DDX4: variants seen among roughly 807,000 people sequenced by gnomAD.
DDX4 encodes DEAD-box helicase 4, also known as probable ATP-dependent RNA helicase DDX4.
Under a neutral mutation model 100.0 loss-of-function variants are expected in DDX4, and 25 were observed. The ratio of observed to expected loss-of-function variants is 0.25; its 90% confidence interval spans 0.18 to 0.35. The LOEUF (loss-of-function observed/expected upper bound fraction) is 0.35. Ranked by LOEUF, DDX4 falls within the 10% of genes least tolerant of loss-of-function variation. The probability of loss-of-function intolerance (pLI) is 1.00; values close to 1 mark genes in which losing one functional copy is unlikely to be tolerated. For missense variants in DDX4, 635 were observed against 882.4 expected, an observed-to-expected ratio of 0.72 and a Z score of 3.55; for synonymous variants, 259 against 275.7, an observed-to-expected ratio of 0.94 and a Z score of 0.60.
At chr5:55,807,777 T>A (rs1034805801) in intron 18 of DDX4, among the ~76,000 whole-genome samples, 1 of 152,180 alleles carries the variant, frequency 6.6e-6, no homozygotes, top group African/African-American at 2.4e-5. Flanking sequence ...ATTTCAACTT[T>A]GGTGAATCTG....
chr5:55,804,535 T>A (rs1010999851), intron 18 of DDX4, among the ~76,000 whole-genome samples: 4 of 152,192 alleles, frequency 2.6e-5, no homozygotes, highest in African/African-American at 9.6e-5. Flanking sequence ...TCAGCTTTCT[T>A]TTTATGGCTA....
chr5:55,811,078 T>TGATTACAAGGAAGGTAACCTA (rs1744102573), intron 18 of DDX4, among the ~76,000 whole-genome samples: 1 of 151,688 alleles, frequency 6.6e-6, no homozygotes, highest in Admixed American at 6.6e-5. Flanking sequence ...CTGTCTAGGC[T>TGATTACAAGGAAGGTAACCTA]GATTACAAGG....
intron 5 of DDX4, among the ~76,000 whole-genome samples, chr5:55,763,689 A>C (rs960852462): frequency 3.3e-5 from 5 of 152,108 alleles, no homozygotes; most frequent in African/African-American, 1.2e-4. Context: ...AATTTTGAGA[A>C]TTTTGATGGT....
chr5:55,815,944 T>TG (rs1302254179), intron 21 of DDX4, among the ~76,000 whole-genome samples: 1 of 148,382 alleles, frequency 6.7e-6, no homozygotes, highest in Non-Finnish European at 1.5e-5. Flanking sequence ...CTGGTTTTTT[T>TG]TTTTTTTTTT....
chr5:55,798,588 C>A lies in DDX4; in HGVS notation c.1615+17C>A, dbSNP rs200900572. ...GAAACATAGGTATCTTACGTTGATACATTTTTTTGTCATGATTTTGATTTT... is the reference window on the plus strand; with the variant it reads ...GAAACATAGGTATCTTACGTTGATAAATTTTTTTGTCATGATTTTGATTTT... On this transcript the variant is annotated intron_variant, in intron 18 of 21. Coordinates refer to ENST00000505374, the MANE Select transcript of DDX4 (RefSeq NM_024415.3). 4.5e-6 allele frequency: 7 copies of A among 1,556,348 alleles called. No individual in the cohort carries two copies. The African/African-American group carries it at 5.5e-5, about 12-fold the overall frequency.
At chr5:55,805,289 T>C (rs1743621354) in intron 18 of DDX4, among the ~76,000 whole-genome samples, 1 of 152,134 alleles carries the variant, frequency 6.6e-6, no homozygotes, top group Admixed American at 6.5e-5. Flanking sequence ...TTTGACTTCC[T>C]CTTTTCCTAA....
At chr5:55,773,509 C>T (rs1304768081) in intron 7 of DDX4, among the ~76,000 whole-genome samples, 1 of 152,066 alleles carries the variant, frequency 6.6e-6, no homozygotes, top group Non-Finnish European at 1.5e-5. Flanking sequence ...TTTATATTAC[C>T]ACTCTCAATG....
At chr5:55,778,861 T>TC (rs1181117078) in intron 7 of DDX4, among the ~76,000 whole-genome samples, 1 of 149,630 alleles carries the variant, frequency 6.7e-6, no homozygotes, top group African/African-American at 2.5e-5. Context: ...GCCACTGCAC[T>TC]CCAACCTGGG....
chr5:55,769,949 C>T (rs1458746322), intron 7 of DDX4, among the ~76,000 whole-genome samples: 3 of 151,976 alleles, frequency 2.0e-5, no homozygotes, highest in Non-Finnish European at 4.4e-5. Flanking sequence ...TCACTGCAAC[C>T]TCCACCTCCC....
At chr5:55,805,164 C>T (rs1743611434) in intron 18 of DDX4, among the ~76,000 whole-genome samples, 2 of 151,752 alleles carry the variant, frequency 1.3e-5, no homozygotes, top group African/African-American at 4.8e-5. Flanking sequence ...GATTTTTGTA[C>T]ATTGATTTTG....
chr5:55,791,466 A>C (rs1326593186), intron 16 of DDX4, among the ~76,000 whole-genome samples: 1 of 152,184 alleles, frequency 6.6e-6, no homozygotes, highest in African/African-American at 2.4e-5. Flanking sequence ...ATCACTTTGC[A>C]AGTGTGTTCT....
chr5:55,807,058 T>A (rs1448669143), intron 18 of DDX4, among the ~76,000 whole-genome samples: 2 of 152,242 alleles, frequency 1.3e-5, no homozygotes, highest in Non-Finnish European at 2.9e-5. Context: ...GTTGTATTGA[T>A]CCCTTTACCA....
chr5:55,766,443 T>G lies in DDX4; in HGVS notation c.335-1438T>G, dbSNP rs568239228. 3.2e-3 allele frequency among the ~76,000 whole-genome samples: 491 copies of G among 151,556 alleles called. 4 individuals carry two copies. The highest frequency in any genetic ancestry group is 0.011 in the African/African-American group (434 of 41,112). On this transcript the variant is annotated intron_variant, in intron 6 of 21. Coordinates refer to ENST00000505374, the MANE Select transcript of DDX4 (RefSeq NM_024415.3). ...GGTCCCAGATTAGTAGTTTTGTTTT[T>G]TTTTTTTTTTTCTCGAAAGCAGTAA...
intron 7 of DDX4, among the ~76,000 whole-genome samples, chr5:55,775,111 G>C (rs140005486): frequency 7.1e-4 from 108 of 152,170 alleles, no homozygotes; most frequent in African/African-American, 2.4e-3. Context: ...AAGTGGAATC[G>C]TACAATATTT....
chr5:55,770,325 A>G (rs1363679642), intron 7 of DDX4, among the ~76,000 whole-genome samples: 1 of 152,168 alleles, frequency 6.6e-6, no homozygotes, highest in Non-Finnish European at 1.5e-5. Flanking sequence ...GAATAGAGTC[A>G]TTGGAAATTT....
chr5:55,784,055 G>A lies in DDX4; in HGVS notation c.626-1242G>A, dbSNP rs565502511. Among the ~76,000 whole-genome samples the A allele has an allele frequency of 4.6e-5, 7 of 152,008 alleles. No individual in the cohort carries two copies. The South Asian group carries it at 6.2e-4, about 14-fold the overall frequency. On this transcript the variant is annotated intron_variant, in intron 10 of 21. Transcript: ENST00000505374. ...CTCCTCGTGTCCATGTGTTCTTATTGTTCATCTCCCACTTATGAGTGAGAA... is the reference window on the plus strand; with the variant it reads ...CTCCTCGTGTCCATGTGTTCTTATTATTCATCTCCCACTTATGAGTGAGAA...
chr5:55,747,382 A>G (rs1191951537), intron 3 of DDX4, among the ~76,000 whole-genome samples: 1 of 152,126 alleles, frequency 6.6e-6, no homozygotes, highest in Non-Finnish European at 1.5e-5. Flanking sequence ...GTCTCAAAAA[A>G]CAAAAACAAA....
At chr5:55,798,994 G>T (rs1213049886) in intron 18 of DDX4, among the ~76,000 whole-genome samples, 2 of 152,024 alleles carry the variant, frequency 1.3e-5, no homozygotes, top group African/African-American at 4.8e-5. Flanking sequence ...GCTAAAAGGG[G>T]CTTAAGATCT....
intron 1 of DDX4, chr5:55,738,375 T>C (rs1758804084): frequency 6.5e-6 from 1 of 154,580 alleles, no homozygotes; most frequent in African/African-American, 2.4e-5. Flanking sequence ...TCCTTCTTGA[T>C]GAAGCTGGTT....
Sources: gnomAD v4.1 joint callset for allele counts (sites outside exome capture counted in the v4.1 genomes callset) on GRCh38, gnomAD v4.1.1 for gene constraint, MANE v1.5 for transcripts, NCBI Gene and HGNC (gene_info 2026-07-23, HGNC 2026-07-21) for gene names.